The following APLP2 variants were observed in gnomAD, a reference collection of about 807,000 sequenced individuals.
APLP2 encodes amyloid beta precursor like protein 2.
APLP2 carries 53 observed loss-of-function variants against 89.9 expected under a neutral mutation model. The ratio of observed to expected loss-of-function variants is 0.59; its 90% CI spans 0.47 to 0.74. APLP2 has a LOEUF of 0.74. Among genes scored for constraint, APLP2 ranks in the 30% least tolerant of loss-of-function variants. APLP2 has a pLI of 0.00. For missense variants in APLP2, 973 were observed against 975.9 expected, an observed-to-expected ratio of 1.00 and a Z score of 0.04; for synonymous variants, 372 against 348.6, an observed-to-expected ratio of 1.07 and a Z score of -0.75.
intron 1 of APLP2, among the ~76,000 whole-genome samples, chr11:130,074,752 A>C (rs1456276283): frequency 6.6e-6 from 1 of 152,230 alleles, no homozygotes; most frequent in Non-Finnish European, 1.5e-5. Context: ...TAAATTTTAT[A>C]AAAATGGCAC....
At chr11:130,091,920 T>C (rs1301549846) in intron 1 of APLP2, among the ~76,000 whole-genome samples, 3 of 114,226 alleles carry the variant, frequency 2.6e-5, no homozygotes, top group Admixed American at 8.0e-5. Context: ...TCCTCACTTC[T>C]CAGACGGGGC....
chr11:130,098,855 A>C (rs991646620), intron 1 of APLP2, among the ~76,000 whole-genome samples: 2 of 152,220 alleles, frequency 1.3e-5, no homozygotes, highest in African/African-American at 4.8e-5. Flanking sequence ...AAAACCCTTC[A>C]TCATTTGTAT....
At position 130,130,139 on chromosome 11, in the gene APLP2, A is replaced by C. The variant is rs1204545435; in HGVS notation, c.1557A>C (p.Pro519=). 1 of 1,614,170 alleles carries C rather than the reference A, an allele frequency of 6.2e-7. No individual in the cohort carries two copies. The highest frequency in any genetic ancestry group is 1.7e-5 in the Admixed American group (1 of 60,010). ...RHYQHVLAVD[P]EKAAQMKSQV... is the part of the protein sequence containing the mutation. ...ACCAGCATGTGTTGGCTGTTGACCC[A>C]GAAAAGGCGGCCCAGATGAAATCCC... The change falls in exon 11 of 17, where the codon CCA becomes CCC. Residue 519 remains proline, a synonymous_variant. Transcript: ENST00000338167.
At chr11:130,093,377 C>T (rs1945716275) in intron 1 of APLP2, among the ~76,000 whole-genome samples, 1 of 152,094 alleles carries the variant, frequency 6.6e-6, no homozygotes, top group Non-Finnish European at 1.5e-5. Context: ...AAGTTCTTAC[C>T]TCAAAGGAGA....
intron 1 of APLP2, chr11:130,102,062 T>C: frequency 2.3e-6 from 1 of 443,016 alleles, no homozygotes; most frequent in South Asian, 1.6e-5. Flanking sequence ...AGCTAATATC[T>C]TTGGGGAGAT....
In APLP2 at chr11:130,136,750, C is replaced by T. The variant is rs542523629; in HGVS notation, c.1837+1035C>T. 9.3e-4 allele frequency among the ~76,000 whole-genome samples: 142 copies of T among 152,296 alleles called. 3 individuals are homozygous for T. Among genetic ancestry groups the T allele is most frequent in the Admixed American group, 8.2e-3 (125 of 15,304 alleles). Reference sequence around the variant, plus strand: ...AGATAGATGAAAAGGCGCCATGCCACCCGCAAATCTCCGTGGGTTTTTGGG... The same window carrying T: ...AGATAGATGAAAAGGCGCCATGCCATCCGCAAATCTCCGTGGGTTTTTGGG... On this transcript the variant is annotated intron_variant, in intron 13 of 16. Coordinates refer to ENST00000338167, the MANE Select transcript of APLP2 (RefSeq NM_001142276.2).
chr11:130,117,130 TA>T (rs1004295266), intron 3 of APLP2, among the ~76,000 whole-genome samples: 12 of 149,226 alleles, frequency 8.0e-5, no homozygotes, highest in African/African-American at 2.0e-4. Flanking sequence ...GACTCCATCT[TA>T]AAAAAAAAAG....
chr11:130,105,701 CTTT>C (rs765278847), intron 1 of APLP2, among the ~76,000 whole-genome samples: 3 of 118,200 alleles, frequency 2.5e-5, no homozygotes, highest in African/African-American at 3.5e-5. Flanking sequence ...TTTCTGTCTG[CTTT>C]TTTTTTTTTT....
chr11:130,102,386 G>C (rs1210324531), intron 1 of APLP2, among the ~76,000 whole-genome samples: 1 of 152,232 alleles, frequency 6.6e-6, no homozygotes, highest in African/African-American at 2.4e-5. Flanking sequence ...CTAGAACTGT[G>C]TTACATTGCC....
rs111668018 is a variant in APLP2, at chr11:130,133,816, G to A, written c.1684+88G>A. The A allele has an allele frequency of 8.9e-4, 898 of 1,006,784 alleles. 6 individuals carry two copies. The African/African-American group carries it at 0.013, about 14-fold the overall frequency. The allele number at this position is 1,006,784 out of a possible 1,614,324, so 62.4% of individuals were successfully genotyped here. ...GCTGGGCAAGAGTAGAGAGAGATGAGCAAGCAAGGCCGGTGAAGTGGGGCA... is the reference window on the plus strand; with the variant it reads ...GCTGGGCAAGAGTAGAGAGAGATGAACAAGCAAGGCCGGTGAAGTGGGGCA... On this transcript the variant is annotated intron_variant, in intron 12 of 16. Coordinates refer to ENST00000338167, the MANE Select transcript of APLP2 (RefSeq NM_001142276.2).
At chr11:130,083,237 T>C (rs1239613374) in intron 1 of APLP2, among the ~76,000 whole-genome samples, 2 of 151,862 alleles carry the variant, frequency 1.3e-5, no homozygotes, top group African/African-American at 4.8e-5. Flanking sequence ...GGGGACTTGC[T>C]CTCTTGCCCA....
Position 130,121,706 on chromosome 11 carries a change from C to T in APLP2, c.609C>T (p.Cys203=). The T allele has an allele frequency of 6.2e-7, 1 of 1,613,924 alleles. No individual in the cohort carries two copies. Among genetic ancestry groups the T allele is most frequent in the East Asian group, 2.2e-5 (1 of 44,874 alleles). ...DQFHGTEYVC[C]PQTKIIGSVS... The stretch of plus-strand genomic sequence containing the variant: ...TCCATGGCACTGAATATGTGTGCTG[C>T]CCTCAGACAAAGATTATTGGATCTG... The change falls in exon 5 of 17, where the codon TGC becomes TGT. Residue 203 remains cysteine (C), a synonymous_variant. Coordinates refer to ENST00000338167, the MANE Select transcript of APLP2 (RefSeq NM_001142276.2).
chr11:130,104,206 CTTTTTTTT>C (rs59598831), intron 1 of APLP2, among the ~76,000 whole-genome samples: 1 of 76,988 alleles, frequency 1.3e-5, no homozygotes, highest in Non-Finnish European at 2.3e-5. Flanking sequence ...TGGTACACAT[CTTTTTTTT>C]TTTTTTTTTT....
chr11:130,110,644 C>G lies in APLP2; in HGVS notation c.386C>G (p.Thr129Arg). Residue 129 changes from threonine (T) to arginine (R), a missense_variant, in exon 3 of 17, where the codon ACA becomes AGA. Transcript: ENST00000338167. ...AAGCAATGCAAGAGTCGCTTTGTTA[C>G]ACCTTTCAAGTGTCTCGGTGAGTGT... ...DKKQCKSRFV[T>R]PFKCLVGEFV... is the part of the protein sequence containing the mutation. The G allele has an allele frequency of 6.2e-7, 1 of 1,609,988 alleles. No homozygotes were observed. Among genetic ancestry groups the G allele is most frequent in the Non-Finnish European group, 8.5e-7 (1 of 1,178,072 alleles).
At chr11:130,116,220 G>T (rs1949137441) in intron 3 of APLP2, among the ~76,000 whole-genome samples, 1 of 152,010 alleles carries the variant, frequency 6.6e-6, no homozygotes, top group African/African-American at 2.4e-5. Context: ...CTGAAGAAGG[G>T]GTTAGAGATA....
chr11:130,092,206 C>T (rs1003642042), intron 1 of APLP2, among the ~76,000 whole-genome samples: 9 of 141,210 alleles, frequency 6.4e-5, no homozygotes, highest in South Asian at 2.2e-4. Flanking sequence ...GATGGGATGG[C>T]GGCTGGGCGG....
intron 13 of APLP2, among the ~76,000 whole-genome samples, chr11:130,138,287 T>G (rs1458952598): frequency 6.6e-6 from 1 of 152,180 alleles, no homozygotes; most frequent in Admixed American, 6.5e-5. Context: ...AACACAAAAG[T>G]GTGATTTCAA....
At chr11:130,080,764 TC>T (rs1943004379) in intron 1 of APLP2, among the ~76,000 whole-genome samples, 1 of 147,922 alleles carries the variant, frequency 6.8e-6, no homozygotes, top group African/African-American at 2.6e-5. Context: ...TGGCGTGATC[TC>T]GGCTCACTGC....
chr11:130,116,386 C>T (rs1247355433), intron 3 of APLP2, among the ~76,000 whole-genome samples: 1 of 152,160 alleles, frequency 6.6e-6, no homozygotes, highest in Non-Finnish European at 1.5e-5. Context: ...TTAATTCCCT[C>T]TCGATGGACA....
Sources: gnomAD v4.1 joint callset for allele counts (sites outside exome capture counted in the v4.1 genomes callset) on GRCh38, gnomAD v4.1.1 for gene constraint, MANE v1.5 for transcripts, NCBI Gene and HGNC (gene_info 2026-07-23, HGNC 2026-07-21) for gene names.